AUTS2: variants seen among roughly 807,000 people sequenced by gnomAD.
AUTS2 encodes autism susceptibility gene 2 protein.
AUTS2 carries 17 observed loss-of-function variants against 112.4 expected under a neutral mutation model. That is an observed-to-expected ratio of 0.15 (90% confidence interval 0.10 to 0.23). The LOEUF (loss-of-function observed/expected upper bound fraction) is 0.23. Among genes scored for constraint, AUTS2 ranks in the 10% least tolerant of loss-of-function variants. The probability of loss-of-function intolerance (pLI) is 1.00; values close to 1 mark genes in which losing one functional copy is unlikely to be tolerated. For missense variants in AUTS2, 1,510 were observed against 1,701.6 expected, an observed-to-expected ratio of 0.89 and a Z score of 1.98; for synonymous variants, 751 against 702.7, an observed-to-expected ratio of 1.07 and a Z score of -1.09.
At chr7:70,080,094 G>T (rs1562670452) in intron 2 of AUTS2, among the ~76,000 whole-genome samples, 1 of 152,076 alleles carries the variant, frequency 6.6e-6, no homozygotes, top group African/African-American at 2.4e-5. Context: ...CTTTTGGGGG[G>T]ACACATTCAA....
At chr7:70,242,803 G>A (rs1812692144) in intron 4 of AUTS2, among the ~76,000 whole-genome samples, 1 of 152,112 alleles carries the variant, frequency 6.6e-6, no homozygotes, top group South Asian at 2.1e-4. Context: ...TGTTGGGTCT[G>A]ATTTGCCAAT....
At chr7:70,493,562 T>A (rs1362162213) in intron 5 of AUTS2, among the ~76,000 whole-genome samples, 1 of 152,122 alleles carries the variant, frequency 6.6e-6, no homozygotes, top group Non-Finnish European at 1.5e-5. Flanking sequence ...CTATAATTCA[T>A]CAAGGAAAAT....
At chr7:70,525,594 G>A (rs1799807544) in intron 5 of AUTS2, among the ~76,000 whole-genome samples, 1 of 152,228 alleles carries the variant, frequency 6.6e-6, no homozygotes, top group Non-Finnish European at 1.5e-5. Context: ...CCAGGAAAGA[G>A]TGACGGGTTA....
chr7:69,756,115 A>G (rs1203290913), intron 1 of AUTS2, among the ~76,000 whole-genome samples: 1 of 152,230 alleles, frequency 6.6e-6, no homozygotes, highest in African/African-American at 2.4e-5. Context: ...CACCTGTACC[A>G]TTGCAACCCT....
rs533763901 is a variant in AUTS2, at chr7:69,848,486, G to A, written c.310-50800G>A. ...GTTTTGACTAAACAAGGGTGTGTGC[G>A]TGTGTGTTTGTGTGTGTGTGCACAC... is the stretch of plus-strand genomic sequence containing the variant. On this transcript the variant is annotated intron_variant, in intron 1 of 18. Transcript: ENST00000342771. Among the ~76,000 whole-genome samples the A allele has an allele frequency of 8.5e-5, 13 of 152,246 alleles. 1 individual carries two copies. The South Asian group carries it at 1.5e-3, about 17-fold the overall frequency.
At chr7:69,912,422 C>T (rs951245640) in intron 2 of AUTS2, among the ~76,000 whole-genome samples, 15 of 152,178 alleles carry the variant, frequency 9.9e-5, no homozygotes, top group African/African-American at 2.4e-4. Context: ...TGGCCCCAGC[C>T]GGCTCCTCAG....
At chr7:70,116,454 C>G (rs921595877) in intron 2 of AUTS2, among the ~76,000 whole-genome samples, 1 of 152,152 alleles carries the variant, frequency 6.6e-6, no homozygotes, top group Non-Finnish European at 1.5e-5. Context: ...TCATCTTCCC[C>G]TAGGCACCAT....
At chr7:69,679,056 A>G (rs1180514989) in intron 1 of AUTS2, among the ~76,000 whole-genome samples, 2 of 152,178 alleles carry the variant, frequency 1.3e-5, no homozygotes, top group African/African-American at 4.8e-5. Context: ...GTATATGTGT[A>G]TATTTTTGCT....
chr7:70,667,151 C>G (rs981238935), intron 5 of AUTS2, among the ~76,000 whole-genome samples: 2 of 152,146 alleles, frequency 1.3e-5, no homozygotes, highest in African/African-American at 4.8e-5. Flanking sequence ...GAAGACTACA[C>G]TTGGCATAAA....
chr7:70,228,150 A>G (rs1397525974), intron 4 of AUTS2, among the ~76,000 whole-genome samples: 2 of 151,192 alleles, frequency 1.3e-5, no homozygotes. Flanking sequence ...AGACCCTTTT[A>G]TCATTATAAA....
At chr7:70,140,506 C>T (rs552699540) in intron 4 of AUTS2, among the ~76,000 whole-genome samples, 3 of 152,250 alleles carry the variant, frequency 2.0e-5, no homozygotes, top group Non-Finnish European at 2.9e-5. Flanking sequence ...TTGGTGCTGA[C>T]GGCAGCTCCA....
chr7:69,809,231 C>T (rs898998021), intron 1 of AUTS2, among the ~76,000 whole-genome samples: 8 of 152,116 alleles, frequency 5.3e-5, no homozygotes, highest in South Asian at 4.1e-4. Context: ...CCCGCCACCA[C>T]GCCTGGCTAA....
chr7:70,417,419 C>T (rs1795032294), intron 4 of AUTS2, among the ~76,000 whole-genome samples: 2 of 152,210 alleles, frequency 1.3e-5, no homozygotes, highest in Non-Finnish European at 2.9e-5. Context: ...CATACTGTCC[C>T]AGAAGCACAG....
intron 4 of AUTS2, among the ~76,000 whole-genome samples, chr7:70,394,580 G>A (rs1218918686): frequency 1.3e-5 from 2 of 152,218 alleles, no homozygotes; most frequent in Non-Finnish European, 2.9e-5. Flanking sequence ...TAAGGGATAA[G>A]ACGCATTGCT....
chr7:70,163,215 A>C (rs938769767), intron 4 of AUTS2, among the ~76,000 whole-genome samples: 3 of 151,818 alleles, frequency 2.0e-5, no homozygotes, highest in African/African-American at 7.3e-5. Context: ...TTAAACACCC[A>C]GGACGAGATG....
intron 4 of AUTS2, among the ~76,000 whole-genome samples, chr7:70,225,855 T>C (rs1396305465): frequency 2.0e-5 from 3 of 152,320 alleles, no homozygotes; most frequent in South Asian, 4.1e-4. Flanking sequence ...GGTTCAAGAT[T>C]TGTGTAGCTC....
intron 4 of AUTS2, among the ~76,000 whole-genome samples, chr7:70,417,870 G>A (rs1795051398): frequency 6.6e-6 from 1 of 152,148 alleles, no homozygotes; most frequent in South Asian, 2.1e-4. Flanking sequence ...CTATGCTCCT[G>A]TTCTCTCACC....
chr7:70,781,933 A>T, intron 15 of AUTS2, 177 bp downstream of exon 15: 1 of 688,926 alleles, frequency 1.5e-6, no homozygotes, highest in Non-Finnish European at 2.3e-6. Context: ...TCATTGATAC[A>T]CTCTCTTTCA....
At chr7:69,878,550 A>G (rs1211858829) in intron 1 of AUTS2, among the ~76,000 whole-genome samples, 1 of 152,142 alleles carries the variant, frequency 6.6e-6, no homozygotes, top group African/African-American at 2.4e-5. Context: ...GGTACTGCCT[A>G]AGCAGCCCCA....
Sources: gnomAD v4.1 joint callset for allele counts (sites outside exome capture counted in the v4.1 genomes callset) on GRCh38, gnomAD v4.1.1 for gene constraint, MANE v1.5 for transcripts, NCBI Gene and HGNC (gene_info 2026-07-23, HGNC 2026-07-21) for gene names.